The following MAP3K2 variants were observed in gnomAD, a reference collection of about 807,000 sequenced individuals.
MAP3K2 encodes the protein mitogen-activated protein kinase kinase kinase 2.
In MAP3K2, 24 loss-of-function variants were observed where a neutral mutation model predicts 80.3. The observed-to-expected ratio is 0.30, with a 90% CI of 0.22 to 0.42. The LOEUF (loss-of-function observed/expected upper bound fraction) is 0.42, where lower values mean the gene tolerates loss of function less well. MAP3K2 is among the 10% of genes least tolerant of loss of function. MAP3K2 has a pLI of 1.00. For synonymous variants in MAP3K2, 244 were observed against 253.7 expected (o/e 0.96, Z 0.36); for missense variants, 608 against 750.1 (o/e 0.81, Z 2.21).
chr2:127,383,418 C>T (rs1197736082), intron 1 of MAP3K2, among the ~76,000 whole-genome samples: 1 of 152,164 alleles, frequency 6.6e-6, no homozygotes, highest in East Asian at 1.9e-4. Context: ...TGGTTAAATA[C>T]ATTTCTAGGT....
chr2:127,333,669 C>T (rs1293110313), intron 5 of MAP3K2, among the ~76,000 whole-genome samples: 1 of 152,106 alleles, frequency 6.6e-6, no homozygotes, highest in Non-Finnish European at 1.5e-5. Context: ...CTAATGCCAC[C>T]CCTACCACAT....
chr2:127,318,976 C>T (rs1172729685), intron 12 of MAP3K2, among the ~76,000 whole-genome samples: 1 of 152,076 alleles, frequency 6.6e-6, no homozygotes, highest in Non-Finnish European at 1.5e-5. Flanking sequence ...GATCTAGACA[C>T]AGGTGAGCTC....
chr2:127,317,169 G>T (rs1685924681), intron 14 of MAP3K2, among the ~76,000 whole-genome samples: 1 of 151,036 alleles, frequency 6.6e-6, no homozygotes, highest in African/African-American at 2.4e-5. Flanking sequence ...AGTAATCCTA[G>T]CACTTTGGGA....
chr2:127,312,478 T>C (rs776436149), intron 15 of MAP3K2, among the ~76,000 whole-genome samples: 6 of 152,052 alleles, frequency 3.9e-5, no homozygotes, highest in Middle Eastern at 3.2e-3. Flanking sequence ...CTTGGCAACA[T>C]AGCAATACCC....
chr2:127,377,366 G>A (rs1391829423), intron 1 of MAP3K2, among the ~76,000 whole-genome samples: 2 of 148,914 alleles, frequency 1.3e-5, no homozygotes, highest in African/African-American at 2.4e-5. Context: ...AAGCTATTTA[G>A]AATAGCATCT....
chr2:127,388,022 G>T, upstream of MAP3K2: 1 of 983,346 alleles, frequency 1.0e-6, no homozygotes, highest in Non-Finnish European at 1.2e-6. Context: ...TCGTGCGCGC[G>T]CACCCCTCCG....
chr2:127,312,645 A>G (rs56000604), intron 15 of MAP3K2, among the ~76,000 whole-genome samples: 5,142 of 152,148 alleles, frequency 0.034, 126 homozygotes, highest in Middle Eastern at 0.071. Context: ...TGGGTGACAG[A>G]GGGTGACCCT....
intron 1 of MAP3K2, among the ~76,000 whole-genome samples, chr2:127,385,877 C>T (rs900534102): frequency 6.6e-6 from 1 of 152,144 alleles, no homozygotes; most frequent in Non-Finnish European, 1.5e-5. Flanking sequence ...GCTTATAAGA[C>T]TCAGTCTCTA....
At chr2:127,348,563 T>C (rs1377551413) in intron 1 of MAP3K2, among the ~76,000 whole-genome samples, 5 of 152,088 alleles carry the variant, frequency 3.3e-5, no homozygotes, top group Admixed American at 2.6e-4. Context: ...TGAAAGTAGA[T>C]TAGTGATTTC....
At chr2:127,329,366 C>CTT (rs10625897) in intron 7 of MAP3K2, among the ~76,000 whole-genome samples, 7 of 146,332 alleles carry the variant, frequency 4.8e-5, no homozygotes, top group Admixed American at 6.8e-5. Context: ...CAATTAAAAC[C>CTT]TTTTTTTTTG....
At position 127,310,125 on chromosome 2, in the gene MAP3K2, T is replaced by G. The variant is rs1183165197; in HGVS notation, c.1457-1363A>C. 6.6e-6 allele frequency among the ~76,000 whole-genome samples: 1 copy of G among 152,210 alleles called. No homozygotes were observed. The highest frequency in any genetic ancestry group is 1.5e-5 in the Non-Finnish European group (1 of 68,034). ...ACACTGGGTTATAATCCAGTACTAC[T>G]TTATTTGCCTGCTATTTATCAGTTT... is the stretch of plus-strand genomic sequence containing the variant. On this transcript the variant is annotated intron_variant, in intron 15 of 16. Coordinates refer to ENST00000682094, the MANE Select transcript of MAP3K2 (RefSeq NM_001371910.2). This position sits in a 1 kb window ranked among gnomAD's most constrained non-coding sequence, Gnocchi z 4.8.
rs1391449610 is a variant in MAP3K2, at chr2:127,310,722, A to T, written c.1457-1960T>A. ...TTTTTTATTCTCTATTTTCACTCTT[A>T]TCATTTTAAAAACTCTATTTTTTCT... On this transcript the variant is annotated intron_variant, in intron 15 of 16. Coordinates refer to ENST00000682094, the MANE Select transcript of MAP3K2 (RefSeq NM_001371910.2). The surrounding 1 kb of genome is among the most constrained non-coding windows in gnomAD (Gnocchi z 4.8). Among the ~76,000 whole-genome samples, 1 of 152,064 alleles carries T rather than the reference A, an allele frequency of 6.6e-6. No individual in the cohort carries two copies. The highest frequency in any genetic ancestry group is 1.5e-5 in the Non-Finnish European group (1 of 67,996).
chr2:127,378,108 T>C (rs548035186), intron 1 of MAP3K2: 2 of 915,458 alleles, frequency 2.2e-6, no homozygotes, highest in Non-Finnish European at 2.6e-6. Context: ...TTTACCAGAA[T>C]GCAAAGATAC....
At position 127,352,752 on chromosome 2, in the gene MAP3K2, G is replaced by A. The variant is rs974766136; in HGVS notation, c.-65-9558C>T. Among the ~76,000 whole-genome samples the A allele has an allele frequency of 1.6e-4, 24 of 146,150 alleles. 1 individual carries two copies. The highest frequency in any genetic ancestry group is 4.0e-4 in the African/African-American group (16 of 40,142). ...CACGGTCTCCCTCTGATGCCGAGCC[G>A]AAGCTGGACTGTACTGCTGCCATCT... On this transcript the variant is annotated intron_variant, in intron 1 of 16. Coordinates refer to ENST00000682094, the MANE Select transcript of MAP3K2 (RefSeq NM_001371910.2).
chr2:127,362,078 T>G (rs1024113283), intron 1 of MAP3K2, among the ~76,000 whole-genome samples: 1 of 152,246 alleles, frequency 6.6e-6, no homozygotes, highest in African/African-American at 2.4e-5. Flanking sequence ...ACAATATATT[T>G]GTAATTTTTA....
chr2:127,308,886 T>A, intron 15 of MAP3K2, 124 bp from the exon 16 acceptor site: 1 of 998,248 alleles, frequency 1.0e-6, no homozygotes, highest in Non-Finnish European at 1.5e-6. Flanking sequence ...AGGCTGCTTT[T>A]CATCCTCTGG....
At chr2:127,336,953 C>T (rs1438924060) in intron 4 of MAP3K2, among the ~76,000 whole-genome samples, 1 of 152,120 alleles carries the variant, frequency 6.6e-6, no homozygotes, top group Admixed American at 6.6e-5. Context: ...CCAGCCTGGC[C>T]AACATGGTGA....
At chr2:127,336,850 TC>T (rs1686382238) in intron 4 of MAP3K2, among the ~76,000 whole-genome samples, 1 of 152,156 alleles carries the variant, frequency 6.6e-6, no homozygotes, top group Non-Finnish European at 1.5e-5. Flanking sequence ...GAAATGAAAT[TC>T]TATCATCAGG....
At chr2:127,346,410 T>A (rs4306670) in intron 1 of MAP3K2, among the ~76,000 whole-genome samples, 23,498 of 94,108 alleles carry the variant, frequency 0.25, 3,162 homozygotes, top group Non-Finnish European at 0.29. Flanking sequence ...AAACTGGTTT[T>A]AAAAAAAAAA....
Sources: allele counts gnomAD v4.1 joint callset (sites outside exome capture counted in the v4.1 genomes callset), GRCh38; gene constraint gnomAD v4.1.1; non-coding constraint Gnocchi (gnomAD v3.1); transcripts MANE v1.5; gene names NCBI Gene and HGNC (gene_info 2026-07-23, HGNC 2026-07-21).